The following ST7L variants were observed in gnomAD, a reference collection of about 807,000 sequenced individuals.
ST7L encodes the protein suppressor of tumorigenicity 7 protein-like.
ST7L carries 57 observed loss-of-function variants against 72.5 expected under a neutral mutation model. The ratio of observed to expected loss-of-function variants is 0.79; its 90% CI spans 0.64 to 0.98. ST7L has a LOEUF of 0.98. Ranked by LOEUF, ST7L falls within the 50% of genes least tolerant of loss-of-function variation. The pLI, the probability that ST7L is intolerant of heterozygous loss-of-function variation, is 0.00. For synonymous variants in ST7L, 221 were observed against 240.9 expected, an observed-to-expected ratio of 0.92 and a Z score of 0.77; for missense variants, 576 against 672.2, an observed-to-expected ratio of 0.86 and a Z score of 1.58.
At chr1:112,572,999 A>G (rs1662391773) in intron 11 of ST7L, among the ~76,000 whole-genome samples, 1 of 152,170 alleles carries the variant, frequency 6.6e-6, no homozygotes. Flanking sequence ...AACAAGTAAG[A>G]TTGGCAAATC....
intron 11 of ST7L, among the ~76,000 whole-genome samples, chr1:112,562,128 G>A (rs993599058): frequency 1.3e-5 from 2 of 151,862 alleles, no homozygotes; most frequent in African/African-American, 4.8e-5. Context: ...ACCACATTTG[G>A]CTAGCTTTTT....
At chr1:112,542,804 C>T (rs1170090102) in intron 13 of ST7L, among the ~76,000 whole-genome samples, 2 of 147,158 alleles carry the variant, frequency 1.4e-5, no homozygotes, top group South Asian at 2.1e-4. Flanking sequence ...TGAGTTGCTA[C>T]TTTTTTTTTT....
At chr1:112,530,382 C>T (rs941250724) in intron 14 of ST7L, among the ~76,000 whole-genome samples, 3 of 152,038 alleles carry the variant, frequency 2.0e-5, no homozygotes, top group Non-Finnish European at 2.9e-5. Context: ...GATTACATGC[C>T]TAATTTGTAT....
chr1:112,581,482 T>C (rs1664109316), intron 9 of ST7L, among the ~76,000 whole-genome samples: 1 of 150,988 alleles, frequency 6.6e-6, no homozygotes, highest in Non-Finnish European at 1.5e-5. Flanking sequence ...CACTACAGCC[T>C]GAACCTCCCA....
chr1:112,531,174 G>T (rs946118062), intron 14 of ST7L, among the ~76,000 whole-genome samples: 1 of 152,116 alleles, frequency 6.6e-6, no homozygotes, highest in African/African-American at 2.4e-5. Flanking sequence ...TGAAAACCAG[G>T]ATGGCTATTA....
Position 112,598,036 on chromosome 1 carries a change from A to T in ST7L, c.557T>A (p.Leu186Gln). ...AAAGGTCTGATGGTCCTGAGCTGAC[A>T]GGTTCATGTCATAGTATGTAAGTGG... The part of the protein sequence containing the change: ...KEPLTYYDMN[L>Q]SAQDHQTFFT... The change falls in exon 5 of 15, where the codon CTG (leucine) becomes CAG (glutamine). Residue 186 changes from leucine (L) to glutamine (Q), a missense_variant. By Grantham distance (113) the Leu-to-Gln change is moderately radical (BLOSUM62 -2). This residue lies in a region of ST7L where 511 missense variants were observed against 600.7 expected (regional missense o/e 0.85). Coordinates refer to ENST00000358039, the MANE Select transcript of ST7L (RefSeq NM_017744.5). 1 of 1,613,744 alleles carries T rather than the reference A, an allele frequency of 6.2e-7. No homozygotes were observed. The highest frequency in any genetic ancestry group is 8.5e-7 in the Non-Finnish European group (1 of 1,179,902).
chr1:112,534,925 GA>G (rs1337966232), intron 14 of ST7L, among the ~76,000 whole-genome samples: 1 of 151,278 alleles, frequency 6.6e-6, no homozygotes, highest in African/African-American at 2.4e-5. Flanking sequence ...CTTTGAGGGG[GA>G]AAAAAGATGA....
At chr1:112,619,405 C>T, upstream of ST7L, 1 of 543,414 alleles carries the variant, frequency 1.8e-6, no homozygotes, top group Non-Finnish European at 3.2e-6. Flanking sequence ...ACCTTTCACA[C>T]CGCCCCCCCC....
At chr1:112,521,646 CTTTA>C (rs1233577634), downstream of ST7L, 2 of 152,174 alleles carry the variant, frequency 1.3e-5, no homozygotes, top group African/African-American at 2.4e-5. Flanking sequence ...CTCAACAAAT[CTTTA>C]TTTAGTGACT....
At position 112,560,687 on chromosome 1, in the gene ST7L, C is replaced by T. The variant is rs150795952; in HGVS notation, c.1246-4669G>A. On this transcript the variant is annotated intron_variant, in intron 11 of 14. Transcript: ENST00000358039. ...AGTATTAAAATACTTATTGGCCAGGCGCGGTGGCTCACACCTGTAATCCCA... is the reference window on the plus strand; with the variant it reads ...AGTATTAAAATACTTATTGGCCAGGTGCGGTGGCTCACACCTGTAATCCCA... 1.5e-3 allele frequency among the ~76,000 whole-genome samples: 225 copies of T among 152,172 alleles called. 1 individual carries two copies. The highest frequency in any genetic ancestry group is 5.0e-3 in the African/African-American group (207 of 41,526).
At chr1:112,527,173 C>T (rs748878964) in intron 14 of ST7L, 1 of 152,292 alleles carries the variant, frequency 6.6e-6, no homozygotes, top group Non-Finnish European at 1.5e-5. Context: ...GCATAGGCTA[C>T]CTATCCTAAT....
chr1:112,573,739 A>T (rs1662553760), intron 11 of ST7L, among the ~76,000 whole-genome samples: 1 of 151,736 alleles, frequency 6.6e-6, no homozygotes, highest in African/African-American at 2.4e-5. Context: ...TCATTTATAA[A>T]TCCAGGGCCA....
intron 11 of ST7L, 75 bp downstream of exon 11, chr1:112,576,911 A>C (rs760034963): frequency 8.9e-7 from 1 of 1,124,900 alleles, no homozygotes; most frequent in Non-Finnish European, 1.3e-6. Flanking sequence ...ATGGTGACCC[A>C]GACTCTGGTC....
chr1:112,589,771 A>G (rs6666579), intron 6 of ST7L, among the ~76,000 whole-genome samples: 75,702 of 152,014 alleles, frequency 0.5, 19,234 homozygotes, highest in East Asian at 0.64. Context: ...TCAGCCAAAC[A>G]GTTTACAACT....
chr1:112,601,569 A>G (rs1667400302), intron 3 of ST7L, among the ~76,000 whole-genome samples: 1 of 152,142 alleles, frequency 6.6e-6, no homozygotes, highest in African/African-American at 2.4e-5. Flanking sequence ...CTAAGAGAAA[A>G]AAAAAGAAGT....
intron 14 of ST7L, among the ~76,000 whole-genome samples, chr1:112,537,010 T>C (rs1201460850): frequency 1.3e-5 from 2 of 152,244 alleles, no homozygotes; most frequent in East Asian, 3.9e-4. Flanking sequence ...CTTTTTTTTT[T>C]TTTGAGATGG....
chr1:112,520,658 G>T, downstream of ST7L: 1 of 808,582 alleles, frequency 1.2e-6, no homozygotes, highest in South Asian at 1.8e-5. Context: ...GGACCATGGT[G>T]TCCTGGCTGG....
intron 14 of ST7L, among the ~76,000 whole-genome samples, chr1:112,538,870 A>G (rs1655632745): frequency 6.6e-6 from 1 of 152,156 alleles, no homozygotes; most frequent in African/African-American, 2.4e-5. Flanking sequence ...ACACTTGCAT[A>G]TTTTAAAGTC....
intron 3 of ST7L, among the ~76,000 whole-genome samples, chr1:112,603,191 G>A (rs538772570): frequency 6.6e-6 from 1 of 152,266 alleles, no homozygotes; most frequent in South Asian, 2.1e-4. Flanking sequence ...CTGTGAGAAT[G>A]GTGATGATAT....
Sources: allele counts gnomAD v4.1 joint callset (sites outside exome capture counted in the v4.1 genomes callset), GRCh38; gene constraint gnomAD v4.1.1; regional missense constraint gnomAD v4.1.1; transcripts MANE v1.5; gene names NCBI Gene and HGNC (gene_info 2026-07-23, HGNC 2026-07-21).